BICRA: variants seen among roughly 807,000 people sequenced by gnomAD.
BICRA encodes the protein BRD4-interacting chromatin-remodeling complex-associated protein.
In BICRA, 31 loss-of-function variants were observed where a neutral mutation model predicts 96.9. The ratio of observed to expected loss-of-function variants is 0.32; its 90% CI spans 0.24 to 0.43. The LOEUF (loss-of-function observed/expected upper bound fraction) is 0.43, where lower values mean the gene tolerates loss of function less well. Ranked by LOEUF, BICRA falls within the 20% of genes least tolerant of loss-of-function variation. The probability of loss-of-function intolerance (pLI) is 1.00; values close to 1 mark genes in which losing one functional copy is unlikely to be tolerated. For synonymous variants in BICRA, 1,350 were observed against 1,071.8 expected, an observed-to-expected ratio of 1.26 and a Z score of -5.07; for missense variants, 2,283 against 2,190.3, an observed-to-expected ratio of 1.04 and a Z score of -0.84.
Position 47,680,767 on chromosome 19 carries a change from C to G in BICRA, c.1597C>G (p.His533Asp), listed in dbSNP as rs945429331. 2.5e-6 allele frequency: 4 copies of G among 1,610,038 alleles called. No homozygotes were observed. Among genetic ancestry groups the G allele is most frequent in the South Asian group, 1.1e-5 (1 of 90,840 alleles). ...PLSLGPVLAP[H>D]SGAHSAHILS... The stretch of plus-strand genomic sequence containing the variant: ...GAGCCTGGGCCCCGTGTTGGCCCCC[C>G]ACTCCGGGGCCCACAGCGCGCACAT... Residue 533 changes from histidine (H) to aspartate (D), a missense_variant, in exon 6 of 15, where the codon CAC (histidine) becomes GAC (aspartate). His to Asp is a moderately conservative substitution (Grantham distance 81, BLOSUM62 -1). Transcript: ENST00000594866.
chr19:47,693,832 G>T lies in BICRA; in HGVS notation c.2284-283G>T, dbSNP rs371757631. 1.1e-4 allele frequency among the ~76,000 whole-genome samples: 17 copies of T among 152,338 alleles called. No individual in the cohort carries two copies. In the South Asian group the frequency reaches 3.5e-3, roughly 32 times the overall value. ...TCGCCTTTGTCTGGGGAACTGCGAG[G>T]GGTGGGGGGAATGGGGCAGAAGTGG... is the stretch of plus-strand genomic sequence containing the variant. On this transcript the variant is annotated intron_variant, in intron 7 of 14. Coordinates refer to ENST00000594866, the MANE Select transcript of BICRA (RefSeq NM_001394372.1).
At chr19:47,608,885 C>T (rs1354498698), upstream of BICRA, among the ~76,000 whole-genome samples, 1 of 62,816 alleles carries the variant, frequency 1.6e-5, no homozygotes, top group Non-Finnish European at 3.5e-5. Flanking sequence ...GAACACAAAA[C>T]CTGAGAGGTT....
At chr19:47,656,060 T>A (rs1283977384) in intron 1 of BICRA, among the ~76,000 whole-genome samples, 2 of 128,924 alleles carry the variant, frequency 1.6e-5, no homozygotes, top group Admixed American at 8.3e-5. Context: ...CATGGTGAGA[T>A]CCTGTCTCGA....
intron 1 of BICRA, among the ~76,000 whole-genome samples, chr19:47,639,447 C>T (rs1401400844): frequency 6.6e-6 from 1 of 150,574 alleles, no homozygotes; most frequent in African/African-American, 2.4e-5. Flanking sequence ...CTGCCTCAGC[C>T]TCCCGAGTAG....
chr19:47,681,345 C>A (rs1469580182), intron 6 of BICRA, 69 bp downstream of exon 6: 1 of 1,392,720 alleles, frequency 7.2e-7, no homozygotes, highest in Non-Finnish European at 9.8e-7. Context: ...GGTCCTGGGG[C>A]GAGGCGCCAA....
In BICRA at chr19:47,612,389, C is replaced by G. The variant is rs532643707; in HGVS notation, c.-108+3221C>G. ...CGTGATTGTGCCACTGCTCTCAAGCCTGGGCAAGAGTGAGACCCTGTCTCA... is the reference window on the plus strand; with the variant it reads ...CGTGATTGTGCCACTGCTCTCAAGCGTGGGCAAGAGTGAGACCCTGTCTCA... On this transcript the variant is annotated intron_variant, in intron 1 of 14. Coordinates refer to ENST00000594866, the MANE Select transcript of BICRA (RefSeq NM_001394372.1). Among the ~76,000 whole-genome samples the G allele has an allele frequency of 3.3e-5, 5 of 150,968 alleles. No homozygotes were observed. The East Asian group carries it at 9.8e-4, about 29-fold the overall frequency.
intron 1 of BICRA, among the ~76,000 whole-genome samples, chr19:47,619,416 G>T (rs944549544): frequency 6.6e-6 from 1 of 151,670 alleles, no homozygotes; most frequent in Non-Finnish European, 1.5e-5. Context: ...CCGCCACCAC[G>T]CCCGGTTAGT....
chr19:47,688,982 C>G (rs1378560567), intron 7 of BICRA, among the ~76,000 whole-genome samples: 1 of 151,906 alleles, frequency 6.6e-6, no homozygotes, highest in Non-Finnish European at 1.5e-5. Context: ...CACATGCCAG[C>G]AAGCCCGGCT....
intron 1 of BICRA, among the ~76,000 whole-genome samples, chr19:47,626,921 C>A (rs369067166): frequency 1.6e-4 from 24 of 152,074 alleles, no homozygotes; most frequent in African/African-American, 5.8e-4. Context: ...GGGGTTTCAC[C>A]ATGTCAGTCA....
chr19:47,634,915 A>AC (rs971781477), intron 1 of BICRA, among the ~76,000 whole-genome samples: 79 of 151,778 alleles, frequency 5.2e-4, no homozygotes, highest in African/African-American at 1.9e-3. Flanking sequence ...GGCACCCGCC[A>AC]CCATGCCTGG....
chr19:47,634,069 A>G (rs1291302911), intron 1 of BICRA, among the ~76,000 whole-genome samples: 1 of 152,170 alleles, frequency 6.6e-6, no homozygotes, highest in African/African-American at 2.4e-5. Flanking sequence ...CAGGCTGCAT[A>G]CTGCACACAC....
rs534859412 is a variant in BICRA, at chr19:47,639,476, G to A, written c.-108+30308G>A. 1.0e-3 allele frequency among the ~76,000 whole-genome samples: 151 copies of A among 151,100 alleles called. 3 individuals are homozygous for A. The highest frequency in any genetic ancestry group is 3.4e-3 in the African/African-American group (139 of 41,126). On this transcript the variant is annotated intron_variant, in intron 1 of 14. Transcript: ENST00000594866. The stretch of plus-strand genomic sequence containing the variant: ...CGAGTAGCTGGGACTACAGGCGCCC[G>A]CTACTACACACCAGGCTAATTTTTT...
At chr19:47,690,643 T>C (rs554364883) in intron 7 of BICRA, among the ~76,000 whole-genome samples, 2 of 152,256 alleles carry the variant, frequency 1.3e-5, no homozygotes, top group East Asian at 3.9e-4. Flanking sequence ...TTCTGTGCAC[T>C]GTCTGATCAT....
In BICRA at chr19:47,698,954, C is replaced by G. The variant is rs1336122752; in HGVS notation, c.3398-11C>G. 6.4e-7 allele frequency: 1 copy of G among 1,560,846 alleles called. No individual in the cohort carries two copies. The highest frequency in any genetic ancestry group is 2.4e-5 in the East Asian group (1 of 42,108). Reference sequence around the variant, plus strand: ...ACATCTCCGCCCTTGCCTCTCTTCCCTTCCTCGCAGTGGACGAGGAGTTTG... The same window carrying G: ...ACATCTCCGCCCTTGCCTCTCTTCCGTTCCTCGCAGTGGACGAGGAGTTTG... On this transcript the variant is annotated splice_polypyrimidine_tract_variant and intron_variant, in intron 12 of 14. Transcript: ENST00000594866. This position sits in a 1 kb window ranked among gnomAD's most constrained non-coding sequence, Gnocchi z 4.8.
intron 1 of BICRA, among the ~76,000 whole-genome samples, chr19:47,640,895 ATTTTTTT>A (rs35232398): frequency 3.9e-4 from 37 of 95,226 alleles, no homozygotes; most frequent in Non-Finnish European, 6.0e-4. Context: ...TCAGAGTCAG[ATTTTTTT>A]TTTTTTTTTT....
chr19:47,634,524 C>T (rs1972269548), intron 1 of BICRA, among the ~76,000 whole-genome samples: 1 of 152,122 alleles, frequency 6.6e-6, no homozygotes, highest in South Asian at 2.1e-4. Context: ...TACCACTTTG[C>T]GAAACTCACT....
chr19:47,615,371 C>T (rs930095404), intron 1 of BICRA, among the ~76,000 whole-genome samples: 2 of 152,238 alleles, frequency 1.3e-5, no homozygotes, highest in East Asian at 3.9e-4. Flanking sequence ...CCAGGCTGCA[C>T]GTGTCTTTGC....
chr19:47,633,229 G>A lies in BICRA; in HGVS notation c.-108+24061G>A, dbSNP rs192999162. Among the ~76,000 whole-genome samples the A allele has an allele frequency of 9.8e-3, 1,488 of 151,704 alleles. 25 individuals are homozygous for A. Among genetic ancestry groups the A allele is most frequent in the African/African-American group, 0.034 (1,414 of 41,380 alleles). ...CAAGTAGCTGGGATTATAGGTGCCC[G>A]CCACCACGCCCGACTAATTTTTTTA... On this transcript the variant is annotated intron_variant, in intron 1 of 14. Coordinates refer to ENST00000594866, the MANE Select transcript of BICRA (RefSeq NM_001394372.1).
At chr19:47,674,408 T>A (rs1044974858) in intron 4 of BICRA, among the ~76,000 whole-genome samples, 1 of 149,076 alleles carries the variant, frequency 6.7e-6, no homozygotes, top group African/African-American at 2.5e-5. Context: ...AATGCCATAT[T>A]TGATTTGCTT....
Sources: allele counts gnomAD v4.1 joint callset (sites outside exome capture counted in the v4.1 genomes callset), GRCh38; gene constraint gnomAD v4.1.1; non-coding constraint Gnocchi (gnomAD v3.1); transcripts MANE v1.5; gene names NCBI Gene and HGNC (gene_info 2026-07-23, HGNC 2026-07-21).